GJD2: variants seen among roughly 807,000 people sequenced by gnomAD.
The protein encoded by GJD2 is gap junction protein delta 2.
Under a neutral mutation model 24.3 loss-of-function variants are expected in GJD2, and 12 were observed. That is an observed-to-expected ratio of 0.49 (90% CI 0.32 to 0.80). The LOEUF (loss-of-function observed/expected upper bound fraction) is 0.80, where lower values mean the gene tolerates loss of function less well. Among genes scored for constraint, GJD2 ranks in the 30% least tolerant of loss-of-function variants. The pLI, the probability that GJD2 is intolerant of heterozygous loss-of-function variation, is 0.04. For missense variants in GJD2, 268 were observed against 402.4 expected (o/e 0.67, Z 2.86); for synonymous variants, 171 against 155.2 (o/e 1.10, Z -0.76).
Position 34,754,866 on chromosome 15 carries a change from G to A in GJD2, c.-378C>T, listed in dbSNP as rs1645673295. The A allele has an allele frequency of 4.9e-6, 1 of 203,982 alleles. No individual in the cohort carries two copies. Among genetic ancestry groups the A allele is most frequent in the South Asian group, 9.0e-5 (1 of 11,100 alleles). 12.6% of individuals were successfully genotyped at this position (203,982 alleles called of 1,614,324 possible). A position where few individuals can be genotyped will look rare whatever the true frequency, so the allele number is the denominator to read the frequency against. On this transcript the variant is annotated 5_prime_UTR_variant, in exon 1 of 2. Transcript: ENST00000290374. The surrounding 1 kb of genome is among the most constrained non-coding windows in gnomAD (Gnocchi z 5.9). ...AGTCTCAGCGCCGCTCTCCGCCGCAGGTTGGGGGCCAGGGGAGGGTCCGAA... is the reference window on the plus strand; with the variant it reads ...AGTCTCAGCGCCGCTCTCCGCCGCAAGTTGGGGGCCAGGGGAGGGTCCGAA...
rs1891104685 is a variant in GJD2, at chr15:34,751,716, C to CA, written c.*761dup. ...CAATCTCACAAAAGTGTTGTAGTTG[C>CA]ATATTGCAATTCCCTCCCTCCCACC... On this transcript the variant is annotated 3_prime_UTR_variant, in exon 2 of 2. Coordinates refer to ENST00000290374, the MANE Select transcript of GJD2 (RefSeq NM_020660.3). The CA allele has an allele frequency of 6.6e-6, 1 of 152,020 alleles. No homozygotes were observed. Among genetic ancestry groups the CA allele is most frequent in the Non-Finnish European group, 1.5e-5 (1 of 68,024 alleles). 9.4% of individuals were successfully genotyped at this position (152,020 alleles called of 1,614,324 possible). A position where few individuals can be genotyped will look rare whatever the true frequency, so the allele number is the denominator to read the frequency against.
In GJD2 at chr15:34,752,386, T is replaced by G. The variant is rs537570012; in HGVS notation, c.*92A>C. ...TTATCCTACATCTTAATGGTGAGGG[T>G]CACATAAATGAGGGTGGATACAGCC... On this transcript the variant is annotated 3_prime_UTR_variant, in exon 2 of 2. Coordinates refer to ENST00000290374, the MANE Select transcript of GJD2 (RefSeq NM_020660.3). 9.0e-6 allele frequency: 9 copies of G among 998,822 alleles called. No individual in the cohort carries two copies. Among genetic ancestry groups the G allele is most frequent in the African/African-American group, 3.2e-5 (2 of 62,406 alleles). 61.9% of individuals were successfully genotyped at this position (998,822 alleles called of 1,614,324 possible).
chr15:34,754,697 G>A lies in GJD2; in HGVS notation c.-209C>T. 1.8e-6 allele frequency: 1 copy of A among 558,494 alleles called. No homozygotes were observed. The highest frequency in any genetic ancestry group is 3.3e-6 in the Non-Finnish European group (1 of 305,652). The allele number at this position is 558,494 out of a possible 1,614,324, so 34.6% of individuals were successfully genotyped here. A position where few individuals can be genotyped will look rare whatever the true frequency, so the allele number is the denominator to read the frequency against. On this transcript the variant is annotated 5_prime_UTR_variant, in exon 1 of 2. Coordinates refer to ENST00000290374, the MANE Select transcript of GJD2 (RefSeq NM_020660.3). The surrounding 1 kb of genome is among the most constrained non-coding windows in gnomAD (Gnocchi z 5.9). Reference sequence around the variant, plus strand: ...AAAGAAATCCAAGCGCGTCCCGACCGATGGGGCAGTTGGCGCGGTCTAGAG... The same window carrying A: ...AAAGAAATCCAAGCGCGTCCCGACCAATGGGGCAGTTGGCGCGGTCTAGAG...
chr15:34,753,459 G>A, intron 1 of GJD2, 87 bp from the exon 2 acceptor site: 1 of 1,253,076 alleles, frequency 8.0e-7, no homozygotes, highest in Non-Finnish European at 1.1e-6. Flanking sequence ...CTTTGCTGGT[G>A]TTTACCAGTC....
intron 1 of GJD2, among the ~76,000 whole-genome samples, chr15:34,753,813 A>G (rs1397677982): frequency 6.6e-6 from 1 of 152,152 alleles, no homozygotes; most frequent in Non-Finnish European, 1.5e-5. Flanking sequence ...TGAATATTAA[A>G]TTTAATGCTT....
Position 34,754,410 on chromosome 15 carries a change from G to A in GJD2, c.71+8C>T. On this transcript the variant is annotated splice_region_variant and intron_variant, in intron 1 of 1. Transcript: ENST00000290374. The surrounding 1 kb of genome is among the most constrained non-coding windows in gnomAD (Gnocchi z 5.9). ...GGGGCCCCCTGACCGCCGGCTTGGC[G>A]CCCTTACCTCCCGATCATAGTGGAG... 6.2e-7 allele frequency: 1 copy of A among 1,612,300 alleles called. No individual in the cohort carries two copies. The highest frequency in any genetic ancestry group is 8.5e-7 in the Non-Finnish European group (1 of 1,178,626).
rs771398681 is a variant in GJD2, at chr15:34,753,042, G to C, written c.402C>G (p.Gly134=). The change falls in exon 2 of 2, where the codon GGC becomes GGG. Residue 134 remains glycine (G), a synonymous_variant. Coordinates refer to ENST00000290374, the MANE Select transcript of GJD2 (RefSeq NM_020660.3). ...TATCTTCTCGTTTGCCCCCACCACT[G>C]CCCCCACCCCCAGTTCCTCCAGGAC... is the stretch of plus-strand genomic sequence containing the variant. ...IGGPGGTGGG[G]SGGGKREDKK... 1.2e-6 allele frequency: 2 copies of C among 1,613,810 alleles called. No homozygotes were observed. The highest frequency in any genetic ancestry group is 1.3e-5 in the African/African-American group (1 of 74,850).
rs1049777652 is a variant in GJD2 at position 34,751,594 on chromosome 15, T to C, written c.*884A>G. On this transcript the variant is annotated 3_prime_UTR_variant, in exon 2 of 2. Transcript: ENST00000290374. Reference sequence around the variant, plus strand: ...GTGGCTCAGCTAGACACTCTTGATATTAGCCAAAAAAAATCTTTTTAATGT... The same window carrying C: ...GTGGCTCAGCTAGACACTCTTGATACTAGCCAAAAAAAATCTTTTTAATGT... The C allele has an allele frequency of 6.6e-6, 1 of 152,220 alleles. No homozygotes were observed. The highest frequency in any genetic ancestry group is 1.9e-4 in the East Asian group (1 of 5,188). 9.4% of individuals were successfully genotyped at this position (152,220 alleles called of 1,614,324 possible). A position where few individuals can be genotyped will look rare whatever the true frequency, so the allele number is the denominator to read the frequency against.
rs766954486 is a variant in GJD2, at chr15:34,752,769, G to A, written c.675C>T (p.Val225=). Residue 225 remains valine (V), a synonymous_variant, in exon 2 of 2, where the codon GTC becomes GTT. Transcript: ENST00000290374. ...AGCGGTTACACTCATACAACCCTGG[G>A]ACACTAAAGCCATAGAGAAAATATT... ...VGQYFLYGFS[V]PGLYECNRYP... 3.1e-6 allele frequency: 5 copies of A among 1,614,114 alleles called. No homozygotes were observed. In the South Asian group the frequency reaches 5.5e-5, roughly 18 times the overall value.
chr15:34,753,108 G>T lies in GJD2; in HGVS notation c.336C>A (p.Val112=). Residue 112 remains valine (V), a synonymous_variant, in exon 2 of 2, where the codon GTC becomes GTA. Coordinates refer to ENST00000290374, the MANE Select transcript of GJD2 (RefSeq NM_020660.3). ...GGGGGTCTCTGTCCAGGGCTAGGAA[G>T]ACTGTAGAGTAGCGGCGTTCTCGCT... ...AKQRERRYST[V]FLALDRDPPE... 6.2e-7 allele frequency: 1 copy of T among 1,614,134 alleles called. No individual in the cohort carries two copies. Among genetic ancestry groups the T allele is most frequent in the Non-Finnish European group, 8.5e-7 (1 of 1,180,044 alleles).
rs1389589868 is a variant in GJD2 at position 34,754,857 on chromosome 15, TC to T, written c.-370del. On this transcript the variant is annotated 5_prime_UTR_variant, in exon 1 of 2. Transcript: ENST00000290374. This position sits in a 1 kb window ranked among gnomAD's most constrained non-coding sequence, Gnocchi z 5.9. ...CCCAGGAGAAGTCTCAGCGCCGCTC[TC>T]CGCCGCAGGTTGGGGGCCAGGGGAG... The T allele has an allele frequency of 4.9e-6, 1 of 205,724 alleles. No individual in the cohort carries two copies. Among genetic ancestry groups the T allele is most frequent in the African/African-American group, 2.4e-5 (1 of 42,448 alleles). 12.7% of individuals were successfully genotyped at this position (205,724 alleles called of 1,614,324 possible).
chr15:34,751,152 G>C lies in GJD2; in HGVS notation c.*1326C>G, dbSNP rs1595748257. On this transcript the variant is annotated 3_prime_UTR_variant, in exon 2 of 2. Coordinates refer to ENST00000290374, the MANE Select transcript of GJD2 (RefSeq NM_020660.3). ...AAAGGGAACAAAGGGCTTCATAAAA[G>C]CACATTACCCAGATGTTTCTCTTGG... The C allele has an allele frequency of 6.6e-6, 1 of 152,096 alleles. No homozygotes were observed. Among genetic ancestry groups the C allele is most frequent in the African/African-American group, 2.4e-5 (1 of 41,410 alleles). The allele number at this position is 152,096 out of a possible 1,614,324, so 9.4% of individuals were successfully genotyped here.
At position 34,753,264 on chromosome 15, in the gene GJD2, G is replaced by T. The variant is rs758957027; in HGVS notation, c.180C>A (p.Pro60=). 3.1e-6 allele frequency: 5 copies of T among 1,614,090 alleles called. No individual in the cohort carries two copies. The highest frequency in any genetic ancestry group is 4.2e-6 in the Non-Finnish European group (5 of 1,180,024). ...QTMFVCNTLQ[P]GCNQACYDRA... ...GGTCATAGCAGGCCTGGTTACAGCCGGGCTGCAGGGTGTTGCACACAAACA... is the reference window on the plus strand; with the variant it reads ...GGTCATAGCAGGCCTGGTTACAGCCTGGCTGCAGGGTGTTGCACACAAACA... The change falls in exon 2 of 2, where the codon CCC becomes CCA. Residue 60 remains proline, a synonymous_variant. Coordinates refer to ENST00000290374, the MANE Select transcript of GJD2 (RefSeq NM_020660.3).
Position 34,754,359 on chromosome 15 carries a change from G to A in GJD2, c.71+59C>T, listed in dbSNP as rs535612977. Reference sequence around the variant, plus strand: ...AGCGGGAGACTCAGTCCAGGTGTGAGAAGGGACTCCCGGGGGCCGCCCGAC... The same window carrying A: ...AGCGGGAGACTCAGTCCAGGTGTGAAAAGGGACTCCCGGGGGCCGCCCGAC... On this transcript the variant is annotated intron_variant, in intron 1 of 1. Coordinates refer to ENST00000290374, the MANE Select transcript of GJD2 (RefSeq NM_020660.3). This position sits in a 1 kb window ranked among gnomAD's most constrained non-coding sequence, Gnocchi z 5.9. The A allele has an allele frequency of 3.4e-6, 4 of 1,189,484 alleles. No individual in the cohort carries two copies. In the African/African-American group the frequency reaches 6.0e-5, roughly 18 times the overall value. 73.7% of individuals were successfully genotyped at this position (1,189,484 alleles called of 1,614,324 possible).
rs1351674192 is a variant in GJD2 at position 34,751,212 on chromosome 15, A to G, written c.*1266T>C. The G allele has an allele frequency of 6.6e-6, 1 of 152,234 alleles. No individual in the cohort carries two copies. The highest frequency in any genetic ancestry group is 6.5e-5 in the Admixed American group (1 of 15,284). The allele number at this position is 152,234 out of a possible 1,614,324, so 9.4% of individuals were successfully genotyped here. A position where few individuals can be genotyped will look rare whatever the true frequency, so the allele number is the denominator to read the frequency against. Reference sequence around the variant, plus strand: ...TAACTAAATACACAGTGGATATGAAAGGTACAGTATGGCACTTAAATAAAT... The same window carrying G: ...TAACTAAATACACAGTGGATATGAAGGGTACAGTATGGCACTTAAATAAAT... On this transcript the variant is annotated 3_prime_UTR_variant, in exon 2 of 2. Coordinates refer to ENST00000290374, the MANE Select transcript of GJD2 (RefSeq NM_020660.3).
Position 34,752,551 on chromosome 15 carries a change from C to T in GJD2, c.893G>A (p.Arg298His), listed in dbSNP as rs775572644. The T allele has an allele frequency of 9.9e-6, 16 of 1,614,076 alleles. No individual in the cohort carries two copies. Among genetic ancestry groups the T allele is most frequent in the African/African-American group, 2.7e-5 (2 of 74,940 alleles). Reference sequence around the variant, plus strand: ...ACTGACCCTTGGCAGGTCCTTGTTACGAATCTCATAGATTGACTTTCTCTT... The same window carrying T: ...ACTGACCCTTGGCAGGTCCTTGTTATGAATCTCATAGATTGACTTTCTCTT... ...QAKRKSIYEI[R>H]NKDLPRVSVP... Residue 298 changes from arginine to histidine, a missense_variant, in exon 2 of 2, where the codon CGT becomes CAT. Transcript: ENST00000290374.
rs761399149 is a variant in GJD2, at chr15:34,752,948, G to T, written c.496C>A (p.Pro166Thr). ...NTENTSKETEPDCLEVKELTP... is the reference protein window; with the variant it reads ...NTENTSKETETDCLEVKELTP... ...AGCTCCTTAACCTCTAAACAATCTG[G>T]CTCTGTCTCCTTACTGGTGTTCTCT... The change falls in exon 2 of 2, where the codon CCA (proline) becomes ACA (threonine). Residue 166 changes from proline (P) to threonine (T), a missense_variant. Physicochemically the swap from Pro to Thr is conservative, Grantham distance 38. This residue lies in a region of GJD2 where 115 missense variants were observed against 195.2 expected (regional missense o/e 0.59). Transcript: ENST00000290374. The T allele has an allele frequency of 6.2e-6, 10 of 1,613,946 alleles. No homozygotes were observed. In the South Asian group the frequency reaches 6.6e-5, roughly 11 times the overall value.
rs550468450 is a variant in GJD2, at chr15:34,752,922, C to T, written c.522G>A (p.Leu174=). ...TGCGTAGACCTGATGGGTGTGGAGTCAGCTCCTTAACCTCTAAACAATCTG... is the reference window on the plus strand; with the variant it reads ...TGCGTAGACCTGATGGGTGTGGAGTTAGCTCCTTAACCTCTAAACAATCTG... ...TEPDCLEVKE[L]TPHPSGLRTA... Residue 174 remains leucine, a synonymous_variant, in exon 2 of 2, where the codon CTG becomes CTA. Coordinates refer to ENST00000290374, the MANE Select transcript of GJD2 (RefSeq NM_020660.3). 10 of 1,614,122 alleles carry T rather than the reference C, an allele frequency of 6.2e-6. No homozygotes were observed. The African/African-American group carries it at 1.3e-4, about 22-fold the overall frequency.
rs1384494076 is a variant in GJD2, at chr15:34,754,513, C to A, written c.-25G>T. On this transcript the variant is annotated 5_prime_UTR_variant, in exon 1 of 2. Transcript: ENST00000290374. This position sits in a 1 kb window ranked among gnomAD's most constrained non-coding sequence, Gnocchi z 5.9. Reference sequence around the variant, plus strand: ...TCGCTGTGCATCCGGAGGCAGCAGACAAAGACTGGGCAGCACCGGGCACGT... The same window carrying A: ...TCGCTGTGCATCCGGAGGCAGCAGAAAAAGACTGGGCAGCACCGGGCACGT... 2 of 1,602,600 alleles carry A rather than the reference C, an allele frequency of 1.2e-6. No homozygotes were observed. The highest frequency in any genetic ancestry group is 2.2e-5 in the East Asian group (1 of 44,806).
Sources: gnomAD v4.1 joint callset for allele counts (sites outside exome capture counted in the v4.1 genomes callset) on GRCh38, gnomAD v4.1.1 for gene constraint, gnomAD v4.1.1 regional missense constraint, Gnocchi (gnomAD v3.1) non-coding constraint, MANE v1.5 for transcripts, NCBI Gene and HGNC (gene_info 2026-07-23, HGNC 2026-07-21) for gene names.